The following KIAA0825 variants were observed in gnomAD, a reference collection of about 807,000 sequenced individuals.
KIAA0825 encodes the protein uncharacterized protein KIAA0825.
KIAA0825 carries 119 observed loss-of-function variants against 147.6 expected under a neutral mutation model. The observed-to-expected ratio is 0.81, with a 90% confidence interval of 0.69 to 0.94. The LOEUF (loss-of-function observed/expected upper bound fraction) is 0.94, where lower values mean the gene tolerates loss of function less well. Ranked by LOEUF, KIAA0825 falls within the 40% of genes least tolerant of loss-of-function variation. KIAA0825 has a pLI of 0.00. For synonymous variants in KIAA0825, 470 were observed against 518.1 expected, an observed-to-expected ratio of 0.91 and a Z score of 1.26; for missense variants, 1,381 against 1,472.7, an observed-to-expected ratio of 0.94 and a Z score of 1.02.
chr5:94,391,257 A>G (rs1749853447), intron 18 of KIAA0825, among the ~76,000 whole-genome samples: 1 of 152,198 alleles, frequency 6.6e-6, no homozygotes, highest in Admixed American at 6.5e-5. Flanking sequence ...ACAATTCCCA[A>G]ACTACACCTC....
At chr5:94,358,142 A>G (rs900791409) in intron 20 of KIAA0825, among the ~76,000 whole-genome samples, 9 of 152,182 alleles carry the variant, frequency 5.9e-5, no homozygotes, top group Non-Finnish European at 2.9e-5. Flanking sequence ...TCTTGTTTCA[A>G]ATTCCTCGCC....
At chr5:94,465,301 T>C (rs1760347415) in intron 10 of KIAA0825, among the ~76,000 whole-genome samples, 1 of 152,248 alleles carries the variant, frequency 6.6e-6, no homozygotes, top group African/African-American at 2.4e-5. Context: ...TAGCATAGCC[T>C]TGATTTACCT....
chr5:94,595,074 G>T (rs542372511), intron 1 of KIAA0825, among the ~76,000 whole-genome samples: 1 of 152,030 alleles, frequency 6.6e-6, no homozygotes, highest in Non-Finnish European at 1.5e-5. Context: ...TGCAAGGTGC[G>T]AGCTGTTGGC....
At chr5:94,181,986 G>T (rs889638258) in intron 20 of KIAA0825, among the ~76,000 whole-genome samples, 5 of 152,078 alleles carry the variant, frequency 3.3e-5, no homozygotes, top group African/African-American at 1.2e-4. Context: ...TCTCTTTAAT[G>T]ACTCTTCATT....
intron 20 of KIAA0825, among the ~76,000 whole-genome samples, chr5:94,257,615 T>A (rs1483929977): frequency 6.6e-6 from 1 of 152,098 alleles, no homozygotes; most frequent in Non-Finnish European, 1.5e-5. Context: ...AAGATGATTT[T>A]AAAAATTATA....
chr5:94,269,571 C>T lies in KIAA0825; in HGVS notation c.3710+114797G>A, dbSNP rs144983257. 7.6e-4 allele frequency among the ~76,000 whole-genome samples: 115 copies of T among 151,642 alleles called. 2 individuals carry two copies. The highest frequency in any genetic ancestry group is 2.7e-3 in the African/African-American group (111 of 41,306). On this transcript the variant is annotated intron_variant, in intron 20 of 20. Coordinates refer to ENST00000682413, the MANE Select transcript of KIAA0825 (RefSeq NM_001145678.3). Reference sequence around the variant, plus strand: ...ATATGTTTCTGAGGGACCAGTGGGTCAATGAAGGAATTAAGAGAGAAATTA... The same window carrying T: ...ATATGTTTCTGAGGGACCAGTGGGTTAATGAAGGAATTAAGAGAGAAATTA...
chr5:94,286,004 G>T (rs1247849190), intron 20 of KIAA0825, among the ~76,000 whole-genome samples: 1 of 152,084 alleles, frequency 6.6e-6, no homozygotes, highest in East Asian at 1.9e-4. Flanking sequence ...AATTCAGAAA[G>T]CAATGATGAA....
chr5:94,196,253 A>C (rs1416672760), intron 20 of KIAA0825, among the ~76,000 whole-genome samples: 1 of 151,800 alleles, frequency 6.6e-6, no homozygotes. Flanking sequence ...TATCAGCTCT[A>C]CTCCCCTGCT....
intron 20 of KIAA0825, among the ~76,000 whole-genome samples, chr5:94,223,652 C>T (rs893062592): frequency 1.3e-5 from 2 of 152,094 alleles, no homozygotes; most frequent in Non-Finnish European, 2.9e-5. Flanking sequence ...CTAAATCTAT[C>T]GAAGGCTGTT....
chr5:94,391,127 A>G (rs2150559146), intron 18 of KIAA0825, among the ~76,000 whole-genome samples: 1 of 152,330 alleles, frequency 6.6e-6, no homozygotes, highest in Non-Finnish European at 1.5e-5. Context: ...TTTTCATTAA[A>G]TAAGAAATCT....
chr5:94,407,856 A>G (rs1335640289), intron 15 of KIAA0825, among the ~76,000 whole-genome samples: 1 of 152,236 alleles, frequency 6.6e-6, no homozygotes, highest in Non-Finnish European at 1.5e-5. Context: ...ATCTCAGTAC[A>G]TTTGTTATAA....
chr5:94,298,097 G>T (rs1778221925), intron 20 of KIAA0825, among the ~76,000 whole-genome samples: 1 of 151,190 alleles, frequency 6.6e-6, no homozygotes, highest in African/African-American at 2.4e-5. Context: ...ATACAAAAAA[G>T]TTAGCCAGGT....
chr5:94,604,248 A>G (rs2152424575), intron 1 of KIAA0825, among the ~76,000 whole-genome samples: 1 of 152,306 alleles, frequency 6.6e-6, no homozygotes, highest in East Asian at 1.9e-4. Context: ...AGCACAATCA[A>G]ATTAGAACTC....
chr5:94,199,664 C>T (rs1364220017), intron 20 of KIAA0825, among the ~76,000 whole-genome samples: 1 of 152,108 alleles, frequency 6.6e-6, no homozygotes, highest in Non-Finnish European at 1.5e-5. Flanking sequence ...GGTGAGTTCC[C>T]CCATGCATGC....
intron 20 of KIAA0825, among the ~76,000 whole-genome samples, chr5:94,160,096 C>G (rs2149915222): frequency 6.6e-6 from 1 of 152,186 alleles, no homozygotes; most frequent in South Asian, 2.1e-4. Context: ...GAGGGAGGTT[C>G]AAATCAGAGG....
chr5:94,169,983 C>G (rs529913854), intron 20 of KIAA0825, among the ~76,000 whole-genome samples: 2 of 152,278 alleles, frequency 1.3e-5, no homozygotes, highest in African/African-American at 4.8e-5. Context: ...AGCTAATGCT[C>G]TTACCCATAA....
intron 2 of KIAA0825, among the ~76,000 whole-genome samples, chr5:94,556,038 T>C (rs1352529953): frequency 2.0e-5 from 3 of 151,628 alleles, no homozygotes; most frequent in East Asian, 3.9e-4. Flanking sequence ...ATAAATACAG[T>C]TTATGAGACA....
intron 2 of KIAA0825, among the ~76,000 whole-genome samples, chr5:94,576,544 A>G (rs1272870906): frequency 6.6e-6 from 1 of 152,210 alleles, no homozygotes; most frequent in Non-Finnish European, 1.5e-5. Context: ...CTCTATGTAC[A>G]GAGTCCCCAC....
chr5:94,493,589 C>G (rs568503143), intron 5 of KIAA0825, among the ~76,000 whole-genome samples: 1 of 152,142 alleles, frequency 6.6e-6, no homozygotes, highest in Non-Finnish European at 1.5e-5. Flanking sequence ...GCCGGGTTCA[C>G]GCCATTCTCC....
Sources: allele counts gnomAD v4.1 joint callset (sites outside exome capture counted in the v4.1 genomes callset), GRCh38; gene constraint gnomAD v4.1.1; transcripts MANE v1.5; gene names NCBI Gene and HGNC (gene_info 2026-07-23, HGNC 2026-07-21).